Variants in GRTP1 observed in about 807,000 individuals in gnomAD.
GRTP1 encodes growth hormone regulated TBC protein 1, also known as growth hormone-regulated TBC protein 1.
GRTP1 carries 56 observed loss-of-function variants against 38.1 expected under a neutral mutation model. The observed-to-expected ratio is 1.47, with a 90% CI of 1.19 to 1.84. The LOEUF is 1.84. GRTP1 is among the 40% of genes most tolerant of loss of function. The pLI is 0.00. For missense variants in GRTP1, 506 were observed against 453.9 expected (o/e 1.11, Z -1.04); for synonymous variants, 217 against 189.5 (o/e 1.14, Z -1.19).
At chr13:113,352,684 T>C (rs772023098) in intron 3 of GRTP1, among the ~76,000 whole-genome samples, 10 of 152,182 alleles carry the variant, frequency 6.6e-5, no homozygotes, top group Non-Finnish European at 1.5e-4. Flanking sequence ...TTTCTTGATA[T>C]GTTTTGATAA....
At chr13:113,351,732 C>T (rs934125518) in intron 3 of GRTP1, 3 of 152,370 alleles carry the variant, frequency 2.0e-5, no homozygotes, top group Middle Eastern at 3.4e-3. Flanking sequence ...GGACACAAGC[C>T]GAGCAGGAAG....
chr13:113,347,409 G>C (rs112621712), intron 4 of GRTP1, among the ~76,000 whole-genome samples: 2,085 of 48,438 alleles, frequency 0.043, 25 homozygotes, highest in Middle Eastern at 0.12. Flanking sequence ...GACCTCTGTG[G>C]CTGACAGTGG....
rs2042741592 is a variant in GRTP1, at chr13:113,325,205, C to G, written c.921+456G>C. ...TTTGCCATGCTGCACCCAGAGTGGC[C>G]CCGAGCCTCCACTCCCTCTTAGGAA... On this transcript the variant is annotated intron_variant, in intron 7 of 7. Transcript: ENST00000375431. The G allele has an allele frequency of 2.7e-6, 3 of 1,114,940 alleles. No individual in the cohort carries two copies. The African/African-American group carries it at 4.9e-5, about 18-fold the overall frequency. The allele number at this position is 1,114,940 out of a possible 1,614,324, so 69.1% of individuals were successfully genotyped here. A position where few individuals can be genotyped will look rare whatever the true frequency, so the allele number is the denominator to read the frequency against.
At chr13:113,360,611 C>A (rs1475346688) in intron 2 of GRTP1, among the ~76,000 whole-genome samples, 1 of 152,226 alleles carries the variant, frequency 6.6e-6, no homozygotes, top group Non-Finnish European at 1.5e-5. Context: ...GGGACCCAGG[C>A]CCCAGGCCAG....
rs770764770 is a variant in GRTP1 at position 113,325,682 on chromosome 13, C to T, written c.900G>A (p.Met300Ile). 12 of 1,614,106 alleles carry T rather than the reference C, an allele frequency of 7.4e-6. No individual in the cohort carries two copies. In the African/African-American group the frequency reaches 1.3e-4, roughly 18 times the overall value. The change falls in exon 7 of 8, where the codon ATG becomes ATA. Residue 300 changes from methionine to isoleucine, a missense_variant. By Grantham distance (10) the Met-to-Ile change is conservative. Coordinates refer to ENST00000375431, the MANE Select transcript of GRTP1 (RefSeq NM_024719.4). ...FKQITKGSFV[M>I]ECHTFMQKIF... is the part of the protein sequence containing the mutation. ...ACACCTGCATAAACGTGTGACACTC[C>T]ATCACGAAACTCCCTTTGGTTATCT...
intron 4 of GRTP1, among the ~76,000 whole-genome samples, chr13:113,345,174 A>C (rs1465321666): frequency 6.6e-6 from 1 of 152,246 alleles, no homozygotes; most frequent in Non-Finnish European, 1.5e-5. Flanking sequence ...AAGTAAAAGC[A>C]AAAGGAAACA....
chr13:113,334,490 A>G (rs2042927939), intron 5 of GRTP1, among the ~76,000 whole-genome samples: 1 of 152,230 alleles, frequency 6.6e-6, no homozygotes, highest in South Asian at 2.1e-4. Context: ...TTCATCCTGC[A>G]CTGAACCACT....
chr13:113,358,326 G>A (rs926898210), intron 2 of GRTP1, among the ~76,000 whole-genome samples: 2 of 152,132 alleles, frequency 1.3e-5, no homozygotes, highest in Non-Finnish European at 2.9e-5. Flanking sequence ...AATCAAATAA[G>A]ACTGAAATAA....
chr13:113,329,179 C>G lies in GRTP1; in HGVS notation c.563-3088G>C, dbSNP rs190417387. ...GCCCAGCTGGGGGACCTAAGGTGTACAGGGGAAGACCTTTCTTCCTCCCTG... is the reference window on the plus strand; with the variant it reads ...GCCCAGCTGGGGGACCTAAGGTGTAGAGGGGAAGACCTTTCTTCCTCCCTG... On this transcript the variant is annotated intron_variant, in intron 5 of 7. Coordinates refer to ENST00000375431, the MANE Select transcript of GRTP1 (RefSeq NM_024719.4). Among the ~76,000 whole-genome samples, 194 of 152,318 alleles carry G rather than the reference C, an allele frequency of 1.3e-3. 1 individual carries two copies. The highest frequency in any genetic ancestry group is 4.5e-3 in the African/African-American group (187 of 41,574).
rs376648575 is a variant in GRTP1 at position 113,355,467 on chromosome 13, G to A, written c.196C>T (p.Arg66Trp). The change falls in exon 3 of 8, where the codon CGG becomes TGG. Residue 66 changes from arginine to tryptophan, a missense_variant. Transcript: ENST00000375431. ...CGGTGCTCCAGCGGGACCCCTTTCC[G>A]GACATAGCGCTTCACTGAAGGCCGA... The part of the protein sequence containing the change: ...PRSRTVKRYV[R>W]KGVPLEHRAR... 9 of 1,611,650 alleles carry A rather than the reference G, an allele frequency of 5.6e-6. No individual in the cohort carries two copies. Among genetic ancestry groups the A allele is most frequent in the South Asian group, 4.4e-5 (4 of 90,976 alleles).
intron 3 of GRTP1, among the ~76,000 whole-genome samples, chr13:113,353,344 C>T (rs983734864): frequency 5.3e-5 from 8 of 152,344 alleles, no homozygotes; most frequent in South Asian, 2.1e-4. Flanking sequence ...AACAGCCGTG[C>T]GGCAGGAGAG....
intron 2 of GRTP1, among the ~76,000 whole-genome samples, chr13:113,360,939 A>G (rs1044258852): frequency 3.3e-5 from 5 of 151,916 alleles, no homozygotes; most frequent in African/African-American, 1.2e-4. Context: ...GGCAAAACCC[A>G]TCTCTCCTAA....
chr13:113,324,607 A>G (rs774945084), intron 7 of GRTP1, 30 bp from the exon 8 acceptor site: 39 of 1,568,284 alleles, frequency 2.5e-5, no homozygotes, highest in Non-Finnish European at 9.5e-6. Context: ...TTTAAAAACA[A>G]ACCCAACAAC....
At chr13:113,354,097 A>G (rs2043336100) in intron 3 of GRTP1, among the ~76,000 whole-genome samples, 1 of 152,146 alleles carries the variant, frequency 6.6e-6, no homozygotes, top group Non-Finnish European at 1.5e-5. Flanking sequence ...AATTCATCCA[A>G]AAAACCACAA....
At chr13:113,327,960 T>G (rs35152146) in intron 5 of GRTP1, among the ~76,000 whole-genome samples, 3,061 of 152,228 alleles carry the variant, frequency 0.02, 53 homozygotes, top group Non-Finnish European at 0.032. Flanking sequence ...TTCCCTAAAC[T>G]CCACCAGGCT....
chr13:113,327,994 T>C (rs1224328402), intron 5 of GRTP1, among the ~76,000 whole-genome samples: 2 of 152,182 alleles, frequency 1.3e-5, no homozygotes, highest in African/African-American at 4.8e-5. Context: ...AGGGGAGGAT[T>C]AAATTAAAGC....
intron 3 of GRTP1, 95 bp downstream of exon 3, chr13:113,355,228 C>G (rs1007279678): frequency 2.3e-6 from 3 of 1,279,324 alleles, no homozygotes; most frequent in African/African-American, 3.0e-5. Flanking sequence ...GCAGGCGCAC[C>G]GCTCACCCCT....
At chr13:113,362,284 C>T (rs111920970) in intron 2 of GRTP1, among the ~76,000 whole-genome samples, 19,377 of 152,004 alleles carry the variant, frequency 0.13, 1,440 homozygotes, top group African/African-American at 0.2. Flanking sequence ...CAGCTGAGAT[C>T]GCACCACTGC....
rs370454368 is a variant in GRTP1, at chr13:113,363,896, C to G, written c.47G>C (p.Gly16Ala). The G allele has an allele frequency of 2.5e-6, 4 of 1,611,494 alleles. No individual in the cohort carries two copies. Among genetic ancestry groups the G allele is most frequent in the Non-Finnish European group, 1.7e-6 (2 of 1,179,392 alleles). Reference sequence around the variant, plus strand: ...GTCGAAGTCCTCAGGCCGCTCGAATCCGTACGGGTCGATCCTGCAAAACCG... The same window carrying G: ...GTCGAAGTCCTCAGGCCGCTCGAATGCGTACGGGTCGATCCTGCAAAACCG... ...RSRVPRIDPYGFERPEDFDDA... is the reference protein window; with the variant it reads ...RSRVPRIDPYAFERPEDFDDA... The change falls in exon 2 of 8, where the codon GGA becomes GCA. Residue 16 changes from glycine (G) to alanine (A), a missense_variant. By Grantham distance (60) the Gly-to-Ala change is moderately conservative. Coordinates refer to ENST00000375431, the MANE Select transcript of GRTP1 (RefSeq NM_024719.4).
Sources: gnomAD v4.1 joint callset for allele counts (sites outside exome capture counted in the v4.1 genomes callset) on GRCh38, gnomAD v4.1.1 for gene constraint, MANE v1.5 for transcripts, NCBI Gene and HGNC (gene_info 2026-07-23, HGNC 2026-07-21) for gene names.